ANKRD36C: variants seen among roughly 807,000 people sequenced by gnomAD.
ANKRD36C encodes the protein ankyrin repeat domain-containing protein 36C.
ANKRD36C carries 61 observed loss-of-function variants against 276.4 expected under a neutral mutation model. That is an observed-to-expected ratio of 0.22 (90% CI 0.18 to 0.27). The LOEUF is 0.27. Among genes scored for constraint, ANKRD36C ranks in the 10% least tolerant of loss-of-function variants. The pLI, the probability that ANKRD36C is intolerant of heterozygous loss-of-function variation, is 1.00. For synonymous variants in ANKRD36C, 483 were observed against 680.1 expected (o/e 0.71, Z 4.51); for missense variants, 1,447 against 2,032.3 (o/e 0.71, Z 5.54).
At chr2:95,963,970 T>A (rs1278652395) in intron 6 of ANKRD36C, among the ~76,000 whole-genome samples, 19 of 49,230 alleles carry the variant, frequency 3.9e-4, no homozygotes, top group African/African-American at 1.3e-3. Flanking sequence ...TATATATATA[T>A]AAATATATAT....
At chr2:95,854,410 C>T (rs200224573) in intron 63 of ANKRD36C, among the ~76,000 whole-genome samples, 1 of 151,902 alleles carries the variant, frequency 6.6e-6, no homozygotes, top group African/African-American at 2.4e-5. Flanking sequence ...TCCTACTCTA[C>T]GTGAATCCTG....
intron 44 of ANKRD36C, among the ~76,000 whole-genome samples, chr2:95,892,636 A>T (rs1160553236): frequency 6.6e-6 from 1 of 151,536 alleles, no homozygotes. Flanking sequence ...TCATTCAGAA[A>T]TCACTGCAAT....
At chr2:95,961,432 G>C (rs1003179892) in intron 8 of ANKRD36C, among the ~76,000 whole-genome samples, 1 of 151,988 alleles carries the variant, frequency 6.6e-6, no homozygotes, top group Non-Finnish European at 1.5e-5. Context: ...ATATGAATAA[G>C]CTTTTCCATT....
chr2:95,893,393 G>C lies in ANKRD36C; in HGVS notation c.2756-1533C>G, dbSNP rs369055484. The C allele has an allele frequency of 5.2e-4, 641 of 1,222,782 alleles. 1 individual carries two copies. The African/African-American group carries it at 6.0e-3, about 11-fold the overall frequency. 75.7% of individuals were successfully genotyped at this position (1,222,782 alleles called of 1,614,324 possible). On this transcript the variant is annotated intron_variant, in intron 44 of 66. Transcript: ENST00000456556. ...GACCAGCAGCATCAGCATCACCCAA[G>C]AACTTACTACAAATGAAGAATCTCC...
intron 59 of ANKRD36C, among the ~76,000 whole-genome samples, chr2:95,872,408 G>A (rs1237958653): frequency 6.6e-6 from 1 of 151,362 alleles, no homozygotes; most frequent in Non-Finnish European, 1.5e-5. Context: ...ACCTGCTCCT[G>A]AATGACTACT....
chr2:95,940,133 C>G (rs1052922033), intron 20 of ANKRD36C, among the ~76,000 whole-genome samples: 6 of 152,278 alleles, frequency 3.9e-5, no homozygotes, highest in African/African-American at 1.4e-4. Context: ...ATTCTCCTGC[C>G]TCAGGCTCCC....
chr2:95,884,953 C>T (rs1378634111), intron 52 of ANKRD36C, among the ~76,000 whole-genome samples: 5 of 151,978 alleles, frequency 3.3e-5, no homozygotes, highest in East Asian at 1.9e-4. Context: ...CTCACACCCA[C>T]GTGGTGTAAT....
intron 16 of ANKRD36C, among the ~76,000 whole-genome samples, chr2:95,950,350 G>C (rs62154606): frequency 0.023 from 2,826 of 120,796 alleles, no homozygotes; most frequent in Admixed American, 0.039. Context: ...ACACTCTAAA[G>C]ACAGTTAATA....
chr2:95,919,641 T>TC (rs1427184413), intron 34 of ANKRD36C, 92 bp downstream of exon 36: 6 of 567,028 alleles, frequency 1.1e-5, no homozygotes, highest in South Asian at 7.3e-5. Context: ...CTTCGGCGAC[T>TC]CCCCCCACCC....
intron 44 of ANKRD36C, among the ~76,000 whole-genome samples, 172 bp from the exon 65 acceptor site, chr2:95,892,032 G>C (rs553640478): frequency 4.9e-4 from 74 of 151,598 alleles, no homozygotes; most frequent in African/African-American, 1.6e-3. Flanking sequence ...GCTGAGAAAA[G>C]GGAATACAGG....
chr2:95,948,715 A>C (rs1306030227), intron 16 of ANKRD36C, 119 bp from the exon 17 acceptor site: 1 of 848,106 alleles, frequency 1.2e-6, no homozygotes, highest in Non-Finnish European at 1.8e-6. Flanking sequence ...AGTCTGAGGA[A>C]GGTCAGTTAT....
At chr2:95,966,543 C>T (rs1443632336) in intron 6 of ANKRD36C, among the ~76,000 whole-genome samples, 2 of 152,108 alleles carry the variant, frequency 1.3e-5, no homozygotes, top group African/African-American at 4.8e-5. Context: ...GGTACCAGTA[C>T]CATGCTGTTT....
intron 6 of ANKRD36C, among the ~76,000 whole-genome samples, chr2:95,975,505 T>A (rs1386039571): frequency 6.6e-6 from 1 of 152,064 alleles, no homozygotes; most frequent in East Asian, 1.9e-4. Flanking sequence ...TTGACAAACC[T>A]GAGAAAAACA....
At chr2:95,953,351 T>C (rs1286944892) in intron 14 of ANKRD36C, among the ~76,000 whole-genome samples, 2 of 152,106 alleles carry the variant, frequency 1.3e-5, no homozygotes, top group South Asian at 2.1e-4. Context: ...TACAGGCACA[T>C]GATACCATGT....
intron 6 of ANKRD36C, among the ~76,000 whole-genome samples, chr2:95,963,997 ATATATATATATATATATGTGTG>A (rs1296781958): frequency 0.034 from 884 of 26,004 alleles, 31 homozygotes; most frequent in African/African-American, 0.12. Flanking sequence ...ATATATATAT[ATATATATATATATATATGTGTG>A]TGTGTGTCAT....
At chr2:95,954,544 C>A (rs1237154042) in intron 13 of ANKRD36C, among the ~76,000 whole-genome samples, 2 of 152,126 alleles carry the variant, frequency 1.3e-5, no homozygotes, top group African/African-American at 4.8e-5. Flanking sequence ...ATTCTTTTCA[C>A]CCTAGAACAC....
chr2:95,916,419 A>G (rs567972493), intron 36 of ANKRD36C, among the ~76,000 whole-genome samples: 11 of 151,592 alleles, frequency 7.3e-5, no homozygotes, highest in Non-Finnish European at 1.5e-4. Context: ...AAACTAAAAT[A>G]AAACCGTGTC....
Position 95,982,252 on chromosome 2 carries a change from G to A in ANKRD36C, c.593+4C>T. On this transcript the variant is annotated splice_donor_region_variant and intron_variant, in intron 4 of 66. Coordinates refer to ENST00000456556, the Ensembl canonical transcript of ANKRD36C. The stretch of plus-strand genomic sequence containing the variant: ...AACAACACAATAAGAACTAAGGTCT[G>A]TACCTGCCAAGATAATCAACGGCAT... The A allele has an allele frequency of 6.5e-7, 1 of 1,539,766 alleles. No individual in the cohort carries two copies. Among genetic ancestry groups the A allele is most frequent in the Non-Finnish European group, 8.8e-7 (1 of 1,137,440 alleles).
At chr2:95,893,707 G>C (rs1228258536) in intron 44 of ANKRD36C, 3 of 1,605,586 alleles carry the variant, frequency 1.9e-6, no homozygotes, top group Admixed American at 1.7e-5. Flanking sequence ...TTCAAGGCTG[G>C]TGGTTTCTGA....
Sources: gnomAD v4.1 joint callset for allele counts (sites outside exome capture counted in the v4.1 genomes callset) on GRCh38, gnomAD v4.1.1 for gene constraint, MANE v1.5 for transcripts, NCBI Gene and HGNC (gene_info 2026-07-23, HGNC 2026-07-21) for gene names.